Variants in PPFIA3 observed in about 807,000 individuals in gnomAD.
PPFIA3 encodes the protein PPFI scaffold protein A3.
PPFIA3 carries 26 observed loss-of-function variants against 145.8 expected under a neutral mutation model. The ratio of observed to expected loss-of-function variants is 0.18; its 90% CI spans 0.13 to 0.25. The LOEUF is 0.25. Ranked by LOEUF, PPFIA3 falls within the 10% of genes least tolerant of loss-of-function variation. The probability of loss-of-function intolerance (pLI) is 1.00; values close to 1 mark genes in which losing one functional copy is unlikely to be tolerated. For synonymous variants in PPFIA3, 645 were observed against 661.4 expected (o/e 0.98, Z 0.38); for missense variants, 1,008 against 1,587.8 (o/e 0.63, Z 6.21).
chr19:49,141,547 T>C (rs761375871), intron 19 of PPFIA3, 34 bp downstream of exon 19: 1 of 1,556,460 alleles, frequency 6.4e-7, no homozygotes, highest in East Asian at 2.2e-5. Context: ...TGTGTGTGTG[T>C]ATGTGAATGT....
Position 49,130,242 on chromosome 19 carries a change from C to G in PPFIA3, c.658-136C>G. 1 of 1,140,080 alleles carries G rather than the reference C, an allele frequency of 8.8e-7. No individual in the cohort carries two copies. The highest frequency in any genetic ancestry group is 1.6e-5 in the African/African-American group (1 of 64,096). The allele number at this position is 1,140,080 out of a possible 1,614,324, so 70.6% of individuals were successfully genotyped here. ...TAGCGAACTTCTGTGACCTCCTTCA[C>G]TGACCCCCGTGGACTCTGACCAGCA... is the stretch of plus-strand genomic sequence containing the variant. On this transcript the variant is annotated intron_variant, in intron 6 of 29. Transcript: ENST00000334186. The surrounding 1 kb of genome is among the most constrained non-coding windows in gnomAD (Gnocchi z 4.5).
In PPFIA3 at chr19:49,146,005, C is replaced by T; in HGVS notation, c.2808C>T (p.Pro936=). ...AGTCCCTTACGGCCACGACCAAGCC[C>T]GTGAGTGCCCCCTGCCGGCCGCCTT... ...EMESLTATTK[P]ETKEISWEQI... The change falls in exon 22 of 30, where the codon CCC becomes CCT. Residue 936 remains proline (P), a splice_region_variant and synonymous_variant. Coordinates refer to ENST00000334186, the MANE Select transcript of PPFIA3 (RefSeq NM_003660.4). 2 of 1,613,864 alleles carry T rather than the reference C, an allele frequency of 1.2e-6. No homozygotes were observed. Among genetic ancestry groups the T allele is most frequent in the Non-Finnish European group, 8.5e-7 (1 of 1,179,970 alleles).
rs2287761 is a variant in PPFIA3 at position 49,133,376 on chromosome 19, G to A, written c.1161+5G>A. On this transcript the variant is annotated splice_donor_5th_base_variant and intron_variant, in intron 9 of 29. Transcript: ENST00000334186. The surrounding 1 kb of genome is among the most constrained non-coding windows in gnomAD (Gnocchi z 7.2). The stretch of plus-strand genomic sequence containing the variant: ...CGCGTGGCGGCGCTCAACAAGGTGC[G>A]GGGAGGACTCGGGTCGGGGCCTTGC... The A allele has an allele frequency of 4.4e-6, 7 of 1,596,978 alleles. No individual in the cohort carries two copies. The Admixed American group carries it at 1.2e-4, about 28-fold the overall frequency.
chr19:49,139,267 G>C (rs1469686984), intron 16 of PPFIA3, among the ~76,000 whole-genome samples: 3 of 151,618 alleles, frequency 2.0e-5, no homozygotes, highest in Admixed American at 2.0e-4. Context: ...AGAGGTTGCA[G>C]TGAGCTGAGA....
intron 23 of PPFIA3, 151 bp from the exon 24 acceptor site, chr19:49,147,932 G>A (rs1238930586): frequency 2.7e-6 from 2 of 736,430 alleles, no homozygotes; most frequent in Non-Finnish European, 4.4e-6. Flanking sequence ...GACAACTCTG[G>A]ATTGGTCCAT....
rs776296993 is a variant in PPFIA3, at chr19:49,128,878, T to TCCA, written c.374_376dup (p.Ser125_Arg126insThr). ...CCTGGAACACCTGGAGTGCCTGGTG[T>TCCA]CCAGGCACGAGAGGTCACTGCGCAT... On this transcript the variant is annotated inframe_insertion, in exon 4 of 30. Transcript: ENST00000334186. This position sits in a 1 kb window ranked among gnomAD's most constrained non-coding sequence, Gnocchi z 4.1. The TCCA allele has an allele frequency of 6.2e-7, 1 of 1,610,682 alleles. No individual in the cohort carries two copies. Among genetic ancestry groups the TCCA allele is most frequent in the Non-Finnish European group, 8.5e-7 (1 of 1,178,430 alleles).
In PPFIA3 at chr19:49,128,305, T is replaced by C; in HGVS notation, c.241-62T>C. 1 of 1,577,604 alleles carries C rather than the reference T, an allele frequency of 6.3e-7. No individual in the cohort carries two copies. The highest frequency in any genetic ancestry group is 8.7e-7 in the Non-Finnish European group (1 of 1,147,850). ...GGGACCTTCAAACTTCCAGTCCCAG[T>C]GAATGAAGGAGACAGGGAAAGGATT... On this transcript the variant is annotated intron_variant, in intron 2 of 29. Coordinates refer to ENST00000334186, the MANE Select transcript of PPFIA3 (RefSeq NM_003660.4). The surrounding 1 kb of genome is among the most constrained non-coding windows in gnomAD (Gnocchi z 4.1).
chr19:49,137,624 G>A lies in PPFIA3; in HGVS notation c.1854-581G>A, dbSNP rs369429595. On this transcript the variant is annotated intron_variant, in intron 15 of 29. Transcript: ENST00000334186. ...AGCCTGGGCTACAGAGCGAGACTCC[G>A]TGTCAAAAAAAAAAAAAAAAAAAAA... is the stretch of plus-strand genomic sequence containing the variant. 5.7e-3 allele frequency among the ~76,000 whole-genome samples: 253 copies of A among 44,766 alleles called. 2 individuals are homozygous for A. The highest frequency in any genetic ancestry group is 0.022 in the African/African-American group (208 of 9,596). 29.4% of individuals were successfully genotyped at this position (44,766 alleles called of 152,430 possible).
At position 49,144,411 on chromosome 19, in the gene PPFIA3, C is replaced by T. The variant is rs560984279; in HGVS notation, c.2745+1407C>T. Among the ~76,000 whole-genome samples, 14 of 152,190 alleles carry T rather than the reference C, an allele frequency of 9.2e-5. No homozygotes were observed. In the East Asian group the frequency reaches 2.7e-3, roughly 29 times the overall value. ...GTGGGGGATTTTCCTCTTGTGGCTTCGTGTCAGCACGTAAGTTTAGGGCCA... is the reference window on the plus strand; with the variant it reads ...GTGGGGGATTTTCCTCTTGTGGCTTTGTGTCAGCACGTAAGTTTAGGGCCA... On this transcript the variant is annotated intron_variant, in intron 21 of 29. Transcript: ENST00000334186.
At chr19:49,134,812 G>C (rs770910956) in intron 12 of PPFIA3, 24 bp from the exon 13 acceptor site, 3 of 1,603,376 alleles carry the variant, frequency 1.9e-6, no homozygotes, top group South Asian at 2.2e-5. Flanking sequence ...ATTCTAACCC[G>C]ACACCTCCAA....
chr19:49,146,212 G>A lies in PPFIA3; in HGVS notation c.2835+20G>A, dbSNP rs1375496556. 2 of 1,612,824 alleles carry A rather than the reference G, an allele frequency of 1.2e-6. No individual in the cohort carries two copies. The highest frequency in any genetic ancestry group is 8.5e-7 in the Non-Finnish European group (1 of 1,179,492). ...GAGCAGGTAGGGGGCGCGGGGCGGGGCGTGAGCGCATGAACAGGCTGTGCA... is the reference window on the plus strand; with the variant it reads ...GAGCAGGTAGGGGGCGCGGGGCGGGACGTGAGCGCATGAACAGGCTGTGCA... On this transcript the variant is annotated intron_variant, in intron 23 of 29. Coordinates refer to ENST00000334186, the MANE Select transcript of PPFIA3 (RefSeq NM_003660.4).
At position 49,141,571 on chromosome 19, in the gene PPFIA3, G is replaced by GGTGT. The variant is rs1232246438; in HGVS notation, c.2462+66_2462+69dup. On this transcript the variant is annotated intron_variant, in intron 19 of 29. Coordinates refer to ENST00000334186, the MANE Select transcript of PPFIA3 (RefSeq NM_003660.4). ...GTATGTGAATGTGAGAGTGTGTGAG[G>GGTGT]GTGTGTGTGTGCGTGTATGTGTGTG... is the stretch of plus-strand genomic sequence containing the variant. 6.2e-5 allele frequency: 87 copies of GGTGT among 1,393,602 alleles called. 1 individual carries two copies. The highest frequency in any genetic ancestry group is 4.6e-4 in the South Asian group (38 of 82,978). 86.3% of individuals were successfully genotyped at this position (1,393,602 alleles called of 1,614,324 possible).
rs577725023 is a variant in PPFIA3 at position 49,128,579 on chromosome 19, C to T, written c.342+111C>T. The stretch of plus-strand genomic sequence containing the variant: ...TGACCTATTTTTTTCCCCCATCTCG[C>T]CTTTCTGTCTTCTCCTCTTCCCTGC... On this transcript the variant is annotated intron_variant, in intron 3 of 29. Transcript: ENST00000334186. This position sits in a 1 kb window ranked among gnomAD's most constrained non-coding sequence, Gnocchi z 4.1. 6 of 1,035,944 alleles carry T rather than the reference C, an allele frequency of 5.8e-6. No homozygotes were observed. The highest frequency in any genetic ancestry group is 5.2e-5 in the East Asian group (2 of 38,606). The allele number at this position is 1,035,944 out of a possible 1,614,324, so 64.2% of individuals were successfully genotyped here.
At chr19:49,140,220 A>G in intron 18 of PPFIA3, 132 bp downstream of exon 18, 1 of 1,231,470 alleles carries the variant, frequency 8.1e-7, no homozygotes, top group Non-Finnish European at 1.1e-6. Context: ...TAGAATTTGG[A>G]AGGAACACAG....
Position 49,149,851 on chromosome 19 carries a change from CCGGACTCCCCCG to C in PPFIA3, c.3526+134_3526+145del, listed in dbSNP as rs2041324612. The C allele has an allele frequency of 8.2e-7, 1 of 1,217,306 alleles. No individual in the cohort carries two copies. The highest frequency in any genetic ancestry group is 2.6e-5 in the Admixed American group (1 of 38,046). 75.4% of individuals were successfully genotyped at this position (1,217,306 alleles called of 1,614,324 possible). A position where few individuals can be genotyped will look rare whatever the true frequency, so the allele number is the denominator to read the frequency against. ...CTGAGGAATGGACTGCTCCAACGTT[CCGGACTCCCCCG>C]TCAGGATGAAATGGATAAATCCCAC... On this transcript the variant is annotated intron_variant, in intron 28 of 29. Transcript: ENST00000334186. The surrounding 1 kb of genome is among the most constrained non-coding windows in gnomAD (Gnocchi z 5.7).
At chr19:49,142,735 C>G in intron 20 of PPFIA3, 69 bp from the exon 21 acceptor site, 1 of 1,264,876 alleles carries the variant, frequency 7.9e-7, no homozygotes, top group Non-Finnish European at 1.1e-6. Flanking sequence ...CCTCCCTGTT[C>G]CCCCATCTCT....
At chr19:49,129,510 G>C (rs543109254) in intron 5 of PPFIA3, 56 bp downstream of exon 5, 2 of 1,534,882 alleles carry the variant, frequency 1.3e-6, no homozygotes, top group African/African-American at 2.8e-5. Context: ...CTAAGGGGCT[G>C]CCCACGGGGC....
At position 49,150,375 on chromosome 19, in the gene PPFIA3, G is replaced by A; in HGVS notation, c.*153G>A. Reference sequence around the variant, plus strand: ...TCTGTACAGACCAGCGGGAGTGCGCGCGCCCGCCTCGCACAGGGCCGGGGC... The same window carrying A: ...TCTGTACAGACCAGCGGGAGTGCGCACGCCCGCCTCGCACAGGGCCGGGGC... On this transcript the variant is annotated 3_prime_UTR_variant, in exon 30 of 30. Transcript: ENST00000334186. The A allele has an allele frequency of 2.1e-6, 1 of 467,362 alleles. No individual in the cohort carries two copies. The highest frequency in any genetic ancestry group is 3.8e-6 in the Non-Finnish European group (1 of 261,394). 29.0% of individuals were successfully genotyped at this position (467,362 alleles called of 1,614,324 possible).
Position 49,142,862 on chromosome 19 carries a change from G to A in PPFIA3, c.2603G>A (p.Gly868Asp). The change falls in exon 21 of 30, where the codon GGT becomes GAT. Residue 868 changes from glycine (G) to aspartate (D), a missense_variant. Gly to Asp is a moderately conservative substitution (Grantham distance 94). Around this residue, in one of 11 missense-constraint regions of PPFIA3, gnomAD observed 154 missense variants for 369.2 expected, o/e 0.42. Coordinates refer to ENST00000334186, the MANE Select transcript of PPFIA3 (RefSeq NM_003660.4). ...VAACRANVKS[G>D]AIMANLSDTE... is the part of the protein sequence containing the mutation. ...GCCTGCCGGGCCAATGTCAAGAGCG[G>A]TGCCATCATGGCCAACCTGTCAGAC... 6.2e-7 allele frequency: 1 copy of A among 1,613,940 alleles called. No individual in the cohort carries two copies. Among genetic ancestry groups the A allele is most frequent in the Non-Finnish European group, 8.5e-7 (1 of 1,180,018 alleles).
Sources: gnomAD v4.1 joint callset for allele counts (sites outside exome capture counted in the v4.1 genomes callset) on GRCh38, gnomAD v4.1.1 for gene constraint, gnomAD v4.1.1 regional missense constraint, Gnocchi (gnomAD v3.1) non-coding constraint, MANE v1.5 for transcripts, NCBI Gene and HGNC (gene_info 2026-07-23, HGNC 2026-07-21) for gene names.